Variants in STX8 observed in about 807,000 individuals in gnomAD.
STX8 encodes the protein syntaxin 8, also known as syntaxin-8.
A neutral mutation model predicts 37.5 loss-of-function variants in STX8; 23 were observed. The observed-to-expected ratio is 0.61, with a 90% CI of 0.44 to 0.87. The LOEUF is 0.87. Ranked by LOEUF, STX8 falls within the 40% of genes least tolerant of loss-of-function variation. The probability of loss-of-function intolerance (pLI) is 0.00; values close to 1 mark genes in which losing one functional copy is unlikely to be tolerated. For missense variants in STX8, 313 were observed against 284.7 expected, an observed-to-expected ratio of 1.10 and a Z score of -0.71; for synonymous variants, 115 against 99.1, an observed-to-expected ratio of 1.16 and a Z score of -0.95.
At chr17:9,383,067 A>G (rs2056125661) in intron 6 of STX8, among the ~76,000 whole-genome samples, 1 of 152,154 alleles carries the variant, frequency 6.6e-6, no homozygotes, top group South Asian at 2.1e-4. Flanking sequence ...CATTTCTTCC[A>G]CCATGTGAAG....
At chr17:9,408,823 C>A (rs1912884140) in intron 6 of STX8, among the ~76,000 whole-genome samples, 1 of 152,146 alleles carries the variant, frequency 6.6e-6, no homozygotes. Flanking sequence ...CAGAAACATC[C>A]TCTTCCAGAA....
intron 4 of STX8, among the ~76,000 whole-genome samples, chr17:9,532,498 C>T (rs1905860621): frequency 1.3e-5 from 2 of 151,898 alleles, no homozygotes; most frequent in South Asian, 4.2e-4. Context: ...GGCACACACA[C>T]AGAAAACTGT....
chr17:9,561,737 T>A (rs925738794), intron 2 of STX8, among the ~76,000 whole-genome samples: 1 of 148,082 alleles, frequency 6.8e-6, no homozygotes, highest in Non-Finnish European at 1.5e-5. Context: ...TACTGTAACA[T>A]AGTATTTTTA....
chr17:9,518,569 G>A (rs1010883568), intron 4 of STX8, among the ~76,000 whole-genome samples: 2 of 152,190 alleles, frequency 1.3e-5, no homozygotes, highest in African/African-American at 4.8e-5. Context: ...GCTTCAGGCT[G>A]TAGGAACAGA....
chr17:9,434,060 C>G (rs62068376), intron 6 of STX8, among the ~76,000 whole-genome samples: 3,062 of 152,010 alleles, frequency 0.02, 48 homozygotes, highest in Non-Finnish European at 0.032. Context: ...CTGGAGTGCA[C>G]TGGCGCAATC....
At chr17:9,468,444 C>T (rs1445371199) in intron 6 of STX8, among the ~76,000 whole-genome samples, 4 of 152,180 alleles carry the variant, frequency 2.6e-5, no homozygotes, top group Admixed American at 2.0e-4. Context: ...TAATAAACAT[C>T]TTACGAAAAT....
chr17:9,384,582 G>A (rs547213154), intron 6 of STX8, among the ~76,000 whole-genome samples: 1 of 151,798 alleles, frequency 6.6e-6, no homozygotes, highest in Non-Finnish European at 1.5e-5. Flanking sequence ...AGCTTGCAGA[G>A]AGCCAAGAAA....
At chr17:9,343,379 C>T (rs1910437720) in intron 7 of STX8, among the ~76,000 whole-genome samples, 1 of 152,142 alleles carries the variant, frequency 6.6e-6, no homozygotes, top group Non-Finnish European at 1.5e-5. Context: ...CACATTGGAG[C>T]CATGATGAAG....
At chr17:9,381,245 TG>T (rs1029409173) in intron 6 of STX8, among the ~76,000 whole-genome samples, 5 of 147,942 alleles carry the variant, frequency 3.4e-5, no homozygotes, top group Admixed American at 1.3e-4. Flanking sequence ...TTTTTCATTT[TG>T]TTTTTTTTTT....
intron 7 of STX8, among the ~76,000 whole-genome samples, chr17:9,373,938 TAAA>T (rs76173982): frequency 1.9e-5 from 2 of 105,292 alleles, no homozygotes. Flanking sequence ...GAACTCTATC[TAAA>T]AAAAAAAAAA....
chr17:9,260,922 C>A (rs967976810), intron 7 of STX8, among the ~76,000 whole-genome samples: 4 of 152,124 alleles, frequency 2.6e-5, no homozygotes, highest in Non-Finnish European at 5.9e-5. Context: ...AAGAAGGCAG[C>A]AACTGTCGGA....
chr17:9,403,227 A>G (rs1912687113), intron 6 of STX8, among the ~76,000 whole-genome samples: 1 of 152,220 alleles, frequency 6.6e-6, no homozygotes. Context: ...GAATTTCACA[A>G]TTCTATCACA....
intron 5 of STX8, among the ~76,000 whole-genome samples, chr17:9,498,764 G>T (rs1904506755): frequency 6.6e-6 from 1 of 152,138 alleles, no homozygotes; most frequent in Non-Finnish European, 1.5e-5. Context: ...AAATTCATAA[G>T]ACTAGATGAA....
At chr17:9,390,092 C>G in intron 6 of STX8, among the ~76,000 whole-genome samples, 1 of 152,192 alleles carries the variant, frequency 6.6e-6, no homozygotes, top group East Asian at 1.9e-4. Flanking sequence ...AGCTCCTTTG[C>G]CTGGCAGAAA....
At chr17:9,284,280 TA>T (rs965697886) in intron 7 of STX8, among the ~76,000 whole-genome samples, 1 of 152,202 alleles carries the variant, frequency 6.6e-6, no homozygotes, top group African/African-American at 2.4e-5. Context: ...TTTCCTTTTT[TA>T]AAAAATCAGC....
chr17:9,503,736 A>G (rs545391694), intron 5 of STX8, among the ~76,000 whole-genome samples: 8 of 152,296 alleles, frequency 5.3e-5, no homozygotes, highest in Middle Eastern at 3.4e-3. Flanking sequence ...GACATTTTAA[A>G]AAGTCCATAA....
chr17:9,301,452 CTTTT>C (rs889723021), intron 7 of STX8, among the ~76,000 whole-genome samples: 12 of 151,066 alleles, frequency 7.9e-5, no homozygotes, highest in Non-Finnish European at 1.3e-4. Flanking sequence ...CAGTGCTTTA[CTTTT>C]TTTTAATTTT....
chr17:9,490,989 T>G (rs1267099548), intron 6 of STX8, among the ~76,000 whole-genome samples: 1 of 152,154 alleles, frequency 6.6e-6, no homozygotes, highest in Non-Finnish European at 1.5e-5. Context: ...GGGCTTTCCA[T>G]AAATGCCAGC....
At chr17:9,448,927 A>T (rs1475033228) in intron 6 of STX8, among the ~76,000 whole-genome samples, 1 of 152,118 alleles carries the variant, frequency 6.6e-6, no homozygotes, top group African/African-American at 2.4e-5. Flanking sequence ...CTACATTATT[A>T]AAAAAATATA....
Sources: allele counts gnomAD v4.1 joint callset (sites outside exome capture counted in the v4.1 genomes callset), GRCh38; gene constraint gnomAD v4.1.1; transcripts MANE v1.5; gene names NCBI Gene and HGNC (gene_info 2026-07-23, HGNC 2026-07-21).